The following FBN3 variants were observed in gnomAD, a reference collection of about 807,000 sequenced individuals.
FBN3 encodes the protein fibrillin 3.
Under a neutral mutation model 330.1 loss-of-function variants are expected in FBN3, and 234 were observed. The ratio of observed to expected loss-of-function variants is 0.71; its 90% confidence interval spans 0.64 to 0.79. FBN3 has a LOEUF of 0.79. Among genes scored for constraint, FBN3 ranks in the 30% least tolerant of loss-of-function variants. The probability of loss-of-function intolerance (pLI) is 0.00; values close to 1 mark genes in which losing one functional copy is unlikely to be tolerated. For synonymous variants in FBN3, 1,458 were observed against 1,517.3 expected (o/e 0.96, Z 0.91); for missense variants, 3,606 against 3,886.9 (o/e 0.93, Z 1.92).
chr19:8,087,735 A>G (rs999741629), intron 53 of FBN3, 90 bp downstream of exon 53: 42 of 1,191,802 alleles, frequency 3.5e-5, no homozygotes, highest in Non-Finnish European at 5.0e-5. Flanking sequence ...CAGCCTCCCA[A>G]GTAGCTGGGA....
rs369852908 is a variant in FBN3, at chr19:8,123,780, G to A, written c.2956+4C>T. 39 of 1,612,664 alleles carry A rather than the reference G, an allele frequency of 2.4e-5. No individual in the cohort carries two copies. The Admixed American group carries it at 3.3e-4, about 14-fold the overall frequency. On this transcript the variant is annotated splice_donor_region_variant and intron_variant, in intron 23 of 63. Coordinates refer to ENST00000600128, the MANE Select transcript of FBN3 (RefSeq NM_032447.5). ...CAGGGGCCTGACCCCTTCCCCAACC[G>A]CACCTTTATAGAATGGTCGGCCAGA...
chr19:8,148,347 A>G (rs6603149), intron 1 of FBN3, among the ~76,000 whole-genome samples: 52,153 of 151,974 alleles, frequency 0.34, 9,519 homozygotes, highest in South Asian at 0.5. Context: ...CAGGGGCTGG[A>G]ACTTCCCAAT....
At chr19:8,077,092 C>A (rs939145392) in intron 59 of FBN3, among the ~76,000 whole-genome samples, 4 of 152,114 alleles carry the variant, frequency 2.6e-5, no homozygotes, top group Admixed American at 6.6e-5. Context: ...TTGCTAAATC[C>A]CACACTTGCA....
intron 24 of FBN3, among the ~76,000 whole-genome samples, chr19:8,123,144 G>A (rs918509294): frequency 2.0e-5 from 3 of 151,718 alleles, no homozygotes; most frequent in East Asian, 2.0e-4. Context: ...ACCTGAGGTC[G>A]GGAGTTCAAG....
At chr19:8,125,729 TAC>T (rs1353521162) in intron 22 of FBN3, among the ~76,000 whole-genome samples, 161 bp downstream of exon 22, 1 of 149,530 alleles carries the variant, frequency 6.7e-6, no homozygotes, top group Non-Finnish European at 1.5e-5. Flanking sequence ...AGGCGGAAGT[TAC>T]AGTGAGCCGA....
In FBN3 at chr19:8,145,832, G is replaced by A. The variant is rs527573120; in HGVS notation, c.445+11C>T. 1 of 1,547,360 alleles carries A rather than the reference G, an allele frequency of 6.5e-7. No homozygotes were observed. The highest frequency in any genetic ancestry group is 8.7e-7 in the Non-Finnish European group (1 of 1,143,724). The stretch of plus-strand genomic sequence containing the variant: ...GGTGTGCAAAGAGGGGAGTCCCATG[G>A]GGATACTCACGCTGCCCACACACGG... On this transcript the variant is annotated intron_variant, in intron 5 of 63. Transcript: ENST00000600128.
rs1219877868 is a variant in FBN3 at position 8,072,299 on chromosome 19, A to T, written c.7938-101T>A. 3.2e-6 allele frequency: 4 copies of T among 1,262,900 alleles called. No individual in the cohort carries two copies. In the East Asian group the frequency reaches 7.4e-5, roughly 23 times the overall value. The allele number at this position is 1,262,900 out of a possible 1,614,324, so 78.2% of individuals were successfully genotyped here. Reference sequence around the variant, plus strand: ...CATACTCCGTTCTGAGTCATGCTGCAAATGCCCACGCACACAAATGCCTCT... The same window carrying T: ...CATACTCCGTTCTGAGTCATGCTGCTAATGCCCACGCACACAAATGCCTCT... On this transcript the variant is annotated intron_variant, in intron 62 of 63. Coordinates refer to ENST00000600128, the MANE Select transcript of FBN3 (RefSeq NM_032447.5).
intron 8 of FBN3, 40 bp downstream of exon 8, chr19:8,141,677 C>T: frequency 6.3e-7 from 1 of 1,586,214 alleles, no homozygotes; most frequent in Non-Finnish European, 8.6e-7. Flanking sequence ...GGTCATGAGT[C>T]ACAGAGGAGG....
In FBN3 at chr19:8,109,127, G is replaced by C. The variant is rs372169577; in HGVS notation, c.4618+100C>G. 4.1e-5 allele frequency: 49 copies of C among 1,196,936 alleles called. No homozygotes were observed. The East Asian group carries it at 1.2e-3, about 29-fold the overall frequency. 74.1% of individuals were successfully genotyped at this position (1,196,936 alleles called of 1,614,324 possible). The stretch of plus-strand genomic sequence containing the variant: ...TCCCCCAGTTCTTGGTTTTCCTGTC[G>C]CCTAAGCCCCCCACCACCGCCATTA... On this transcript the variant is annotated intron_variant, in intron 36 of 63. Coordinates refer to ENST00000600128, the MANE Select transcript of FBN3 (RefSeq NM_032447.5). This position sits in a 1 kb window ranked among gnomAD's most constrained non-coding sequence, Gnocchi z 5.2.
At chr19:8,101,300 C>T (rs891344531) in intron 40 of FBN3, among the ~76,000 whole-genome samples, 7 of 152,084 alleles carry the variant, frequency 4.6e-5, no homozygotes, top group African/African-American at 7.2e-5. Context: ...TTTAAAGCCA[C>T]CTAGTTTGCA....
At position 8,065,715 on chromosome 19, in the gene FBN3, G is replaced by T. The variant is rs530550414; in HGVS notation, c.*204C>A. The T allele has an allele frequency of 1.1e-4, 65 of 569,010 alleles. No homozygotes were observed. The highest frequency in any genetic ancestry group is 1.1e-3 in the African/African-American group (60 of 53,216). The allele number at this position is 569,010 out of a possible 1,614,324, so 35.2% of individuals were successfully genotyped here. A position where few individuals can be genotyped will look rare whatever the true frequency, so the allele number is the denominator to read the frequency against. On this transcript the variant is annotated 3_prime_UTR_variant, in exon 64 of 64. Coordinates refer to ENST00000600128, the MANE Select transcript of FBN3 (RefSeq NM_032447.5). ...CATTGCAGCTTCTTGCTGTCTCCAG[G>T]AAAGACTGAGTAACTGGGGGGCCCC...
At chr19:8,086,021 A>AGGGACAGGCAGTGGG (rs2081939515) in intron 55 of FBN3, among the ~76,000 whole-genome samples, 179 bp downstream of exon 55, 14 of 64,388 alleles carry the variant, frequency 2.2e-4, no homozygotes, top group African/African-American at 3.0e-4. Context: ...AGGCAGTGGG[A>AGGGACAGGCAGTGGG]GGGACAGGCA....
At chr19:8,122,873 C>T (rs905941100) in intron 24 of FBN3, among the ~76,000 whole-genome samples, 24 of 150,674 alleles carry the variant, frequency 1.6e-4, no homozygotes, top group Non-Finnish European at 3.3e-4. Context: ...CCGTGTTAGC[C>T]AGGATGGTCT....
In FBN3 at chr19:8,096,373, C is replaced by T; in HGVS notation, c.5539+71G>A. On this transcript the variant is annotated intron_variant, in intron 44 of 63. Coordinates refer to ENST00000600128, the MANE Select transcript of FBN3 (RefSeq NM_032447.5). The surrounding 1 kb of genome is among the most constrained non-coding windows in gnomAD (Gnocchi z 4.6). ...TGAACTAGGATGGACAGAAACACCACTTCCATCCCAGGGGAGGTTTAGACC... is the reference window on the plus strand; with the variant it reads ...TGAACTAGGATGGACAGAAACACCATTTCCATCCCAGGGGAGGTTTAGACC... 1.3e-6 allele frequency: 2 copies of T among 1,540,862 alleles called. No individual in the cohort carries two copies. Among genetic ancestry groups the T allele is most frequent in the Non-Finnish European group, 1.8e-6 (2 of 1,137,926 alleles).
Position 8,126,578 on chromosome 19 carries a change from T to C in FBN3, c.2444A>G (p.Lys815Arg). ...CACCTCACAGCGGCTCTCCTGGATC[T>C]TCAGCCAGCAGGTGCCCTTGGTGCT... ...LDSTKGTCWL[K>R]IQESRCEVNL... The change falls in exon 20 of 64, where the codon AAG becomes AGG. Residue 815 changes from lysine to arginine, a missense_variant. Transcript: ENST00000600128. 1 of 1,610,908 alleles carries C rather than the reference T, an allele frequency of 6.2e-7. No individual in the cohort carries two copies. The highest frequency in any genetic ancestry group is 8.5e-7 in the Non-Finnish European group (1 of 1,179,956).
chr19:8,135,937 C>CA, intron 13 of FBN3, 24 bp downstream of exon 13: 22 of 116,756 alleles, frequency 1.9e-4, no homozygotes, highest in South Asian at 4.6e-4. Context: ...GAAGCCCCTG[C>CA]CCACCCGCCC....
chr19:8,090,781 G>C (rs573693752), intron 48 of FBN3, among the ~76,000 whole-genome samples: 1 of 151,870 alleles, frequency 6.6e-6, no homozygotes, highest in South Asian at 2.1e-4. Flanking sequence ...ACCGCCCCTG[G>C]CCTGCCCTGG....
Position 8,131,873 on chromosome 19 carries a change from C to G in FBN3, c.1715-44G>C, listed in dbSNP as rs1167458128. Reference sequence around the variant, plus strand: ...CACGGGGATGGGTTCCAGCGTGCTCCCTTCCTCTCTCCCCTCCCCATCTCC... The same window carrying G: ...CACGGGGATGGGTTCCAGCGTGCTCGCTTCCTCTCTCCCCTCCCCATCTCC... On this transcript the variant is annotated intron_variant, in intron 14 of 63. Transcript: ENST00000600128. This position sits in a 1 kb window ranked among gnomAD's most constrained non-coding sequence, Gnocchi z 4.5. The G allele has an allele frequency of 1.8e-5, 27 of 1,499,900 alleles. No homozygotes were observed. Among genetic ancestry groups the G allele is most frequent in the Non-Finnish European group, 2.0e-5 (22 of 1,123,010 alleles). 92.9% of individuals were successfully genotyped at this position (1,499,900 alleles called of 1,614,324 possible).
At chr19:8,128,562 C>CAAAAA (rs113391470) in intron 18 of FBN3, among the ~76,000 whole-genome samples, 1 of 100,290 alleles carries the variant, frequency 1.0e-5, no homozygotes, top group Non-Finnish European at 2.3e-5. Context: ...GACTCTGTCT[C>CAAAAA]AAAAAAAAAA....
Sources: gnomAD v4.1 joint callset for allele counts (sites outside exome capture counted in the v4.1 genomes callset) on GRCh38, gnomAD v4.1.1 for gene constraint, Gnocchi (gnomAD v3.1) non-coding constraint, MANE v1.5 for transcripts, NCBI Gene and HGNC (gene_info 2026-07-23, HGNC 2026-07-21) for gene names.